Variants in MBNL2 observed in about 807,000 individuals in gnomAD.
MBNL2 encodes muscleblind like splicing regulator 2.
MBNL2 carries 17 observed loss-of-function variants against 41.9 expected under a neutral mutation model. The ratio of observed to expected loss-of-function variants is 0.41; its 90% CI spans 0.28 to 0.61. The LOEUF (loss-of-function observed/expected upper bound fraction) is 0.61, where lower values mean the gene tolerates loss of function less well. Among genes scored for constraint, MBNL2 ranks in the 20% least tolerant of loss-of-function variants. The probability of loss-of-function intolerance (pLI) is 0.35; values close to 1 mark genes in which losing one functional copy is unlikely to be tolerated. For missense variants in MBNL2, 336 were observed against 505.6 expected, an observed-to-expected ratio of 0.66 and a Z score of 3.22; for synonymous variants, 195 against 182.9, an observed-to-expected ratio of 1.07 and a Z score of -0.53.
chr13:97,218,446 A>AAAAAAAAAAC (rs1566346395), upstream of MBNL2, among the ~76,000 whole-genome samples: 29 of 150,350 alleles, frequency 1.9e-4, no homozygotes, highest in African/African-American at 6.2e-4. Context: ...AAAACAAAAA[A>AAAAAAAAAAC]AAAAAACTGG....
chr13:97,365,025 C>A (rs2063741503), intron 7 of MBNL2, 111 bp from the exon 8 acceptor site: 1 of 793,932 alleles, frequency 1.3e-6, no homozygotes, highest in African/African-American at 1.7e-5. Flanking sequence ...TGTTAACTAA[C>A]CCTACTTATT....
At chr13:97,284,361 C>T (rs1226569499) in intron 2 of MBNL2, among the ~76,000 whole-genome samples, 1 of 152,114 alleles carries the variant, frequency 6.6e-6, no homozygotes, top group Non-Finnish European at 1.5e-5. Flanking sequence ...TTCCTTGGCT[C>T]ATGGCAGCAT....
intron 2 of MBNL2, among the ~76,000 whole-genome samples, chr13:97,290,096 C>A (rs2055517068): frequency 6.6e-6 from 1 of 152,180 alleles, no homozygotes; most frequent in South Asian, 2.1e-4. Context: ...TCATGGAGTT[C>A]CCAAACCAGT....
chr13:97,325,394 G>A (rs1295095892), intron 2 of MBNL2, among the ~76,000 whole-genome samples: 3 of 152,174 alleles, frequency 2.0e-5, no homozygotes, highest in Admixed American at 2.0e-4. Context: ...GACACAAGTA[G>A]TATGAGAAAT....
chr13:97,231,306 T>TCATTAA (rs2042349519), intron 1 of MBNL2, among the ~76,000 whole-genome samples: 3 of 152,244 alleles, frequency 2.0e-5, no homozygotes, highest in African/African-American at 7.2e-5. Context: ...ATTAAAAATG[T>TCATTAA]AGACTCTGAT....
chr13:97,356,763 T>A (rs1378406545), intron 5 of MBNL2, 33 bp from the exon 6 acceptor site: 1 of 1,338,570 alleles, frequency 7.5e-7, no homozygotes. Context: ...ATTGGCCCAC[T>A]GCCATCATGT....
chr13:97,309,206 A>G (rs560256347), intron 2 of MBNL2, among the ~76,000 whole-genome samples: 1 of 152,320 alleles, frequency 6.6e-6, no homozygotes, highest in South Asian at 2.1e-4. Flanking sequence ...TTATTTGGTA[A>G]GTGGGGACAA....
intron 1 of MBNL2, among the ~76,000 whole-genome samples, chr13:97,265,061 A>G (rs2152893698): frequency 6.6e-6 from 1 of 152,390 alleles, no homozygotes; most frequent in South Asian, 2.1e-4. Flanking sequence ...CATAATTTGA[A>G]TACAAATACG....
At chr13:97,192,154 C>T in the MBNL2 span, among the ~76,000 whole-genome samples, 102 of 152,294 alleles carry the variant, frequency 6.7e-4, no homozygotes, top group Middle Eastern at 3.4e-3. Context: ...GAGAGAATAA[C>T]ATCTTCAGAT....
At chr13:97,318,951 G>A (rs935150237) in intron 2 of MBNL2, among the ~76,000 whole-genome samples, 1 of 152,148 alleles carries the variant, frequency 6.6e-6, no homozygotes, top group Non-Finnish European at 1.5e-5. Context: ...GCAGCAGCAG[G>A]AATTCTGAGA....
At chr13:97,178,515 C>A in the MBNL2 span, among the ~76,000 whole-genome samples, 1 of 152,118 alleles carries the variant, frequency 6.6e-6, no homozygotes, top group Non-Finnish European at 1.5e-5. Context: ...CGTGTGTGGG[C>A]CCATGTGATT....
intron 8 of MBNL2, among the ~76,000 whole-genome samples, chr13:97,373,605 A>AATAT (rs35049420): frequency 0.098 from 14,305 of 145,294 alleles, 1,251 homozygotes; most frequent in African/African-American, 0.24. Context: ...GTATGCTAAA[A>AATAT]ATATATATAT....
chr13:97,316,557 A>C (rs1434370105), intron 2 of MBNL2, among the ~76,000 whole-genome samples: 4 of 152,290 alleles, frequency 2.6e-5, no homozygotes, highest in Middle Eastern at 3.4e-3. Context: ...CAGATTCTCC[A>C]GCCTCTTGGC....
At chr13:97,364,045 C>G (rs995216810) in intron 7 of MBNL2, among the ~76,000 whole-genome samples, 2 of 152,158 alleles carry the variant, frequency 1.3e-5, no homozygotes, top group East Asian at 1.9e-4. Flanking sequence ...CATGTATTAC[C>G]TTGTTTTTCA....
chr13:97,216,787 T>C (rs570248094), upstream of MBNL2, among the ~76,000 whole-genome samples: 2 of 152,248 alleles, frequency 1.3e-5, no homozygotes, highest in East Asian at 3.9e-4. Flanking sequence ...GCCTTTCAGC[T>C]TTTATGCATT....
At chr13:97,301,770 A>C (rs1594180682) in intron 2 of MBNL2, among the ~76,000 whole-genome samples, 1 of 152,132 alleles carries the variant, frequency 6.6e-6, no homozygotes, top group African/African-American at 2.4e-5. Context: ...TTAACAGAAA[A>C]CACCACCAGC....
chr13:97,248,855 CAGTTATAATT>C (rs2045985986), intron 1 of MBNL2, among the ~76,000 whole-genome samples: 1 of 152,064 alleles, frequency 6.6e-6, no homozygotes, highest in Non-Finnish European at 1.5e-5. Flanking sequence ...CAATAATGAG[CAGTTATAATT>C]TAACATTTTT....
chr13:97,277,969 G>C (rs2052513553), intron 2 of MBNL2, among the ~76,000 whole-genome samples: 1 of 152,076 alleles, frequency 6.6e-6, no homozygotes, highest in Non-Finnish European at 1.5e-5. Context: ...TGAAAAAGCA[G>C]TGTAGGCCGG....
the MBNL2 span, among the ~76,000 whole-genome samples, chr13:97,159,104 T>C: frequency 1.6e-3 from 236 of 152,088 alleles, no homozygotes; most frequent in African/African-American, 5.1e-3. Flanking sequence ...TATATATTTA[T>C]GATAGTTAGC....
Sources: allele counts gnomAD v4.1 joint callset (sites outside exome capture counted in the v4.1 genomes callset), GRCh38; gene constraint gnomAD v4.1.1; transcripts MANE v1.5; gene names NCBI Gene and HGNC (gene_info 2026-07-23, HGNC 2026-07-21).